RALA: variants seen among roughly 807,000 people sequenced by gnomAD.
RALA encodes RAS like proto-oncogene A.
In RALA, 5 loss-of-function variants were observed where a neutral mutation model predicts 24.0. The observed-to-expected ratio is 0.21, with a 90% CI of 0.11 to 0.44. The LOEUF (loss-of-function observed/expected upper bound fraction) is 0.44. Among genes scored for constraint, RALA ranks in the 20% least tolerant of loss-of-function variants. The pLI, the probability that RALA is intolerant of heterozygous loss-of-function variation, is 0.99. For synonymous variants in RALA, 77 were observed against 83.8 expected (o/e 0.92, Z 0.44); for missense variants, 95 against 241.2 (o/e 0.39, Z 4.01).
At chr7:39,674,285 C>T (rs557928640) in intron 1 of RALA, among the ~76,000 whole-genome samples, 2 of 152,180 alleles carry the variant, frequency 1.3e-5, no homozygotes, top group African/African-American at 4.8e-5. Context: ...ATTAAGTGAA[C>T]AATAATCTAT....
Position 39,679,276 on chromosome 7 carries a change from C to G in RALA, c.-37-7355C>G, listed in dbSNP as rs191133488. 1.4e-3 allele frequency among the ~76,000 whole-genome samples: 215 copies of G among 152,188 alleles called. 3 individuals are homozygous for G. Among genetic ancestry groups the G allele is most frequent in the African/African-American group, 4.8e-3 (201 of 41,508 alleles). On this transcript the variant is annotated intron_variant, in intron 1 of 4. Coordinates refer to ENST00000005257, the MANE Select transcript of RALA (RefSeq NM_005402.4). ...GCCGACAGAAAATATTTTAGGCTTG[C>G]AAGCCACATTCTCTGTTACGTATTC...
chr7:39,626,588 C>T (rs747623542), intron 1 of RALA, among the ~76,000 whole-genome samples: 1 of 152,150 alleles, frequency 6.6e-6, no homozygotes, highest in Non-Finnish European at 1.5e-5. Flanking sequence ...TTATCTTCAG[C>T]GTGCCTACAA....
Position 39,705,684 on chromosome 7 carries a change from C to G in RALA, c.499-439C>G, listed in dbSNP as rs191682044. On this transcript the variant is annotated intron_variant, in intron 4 of 4. Transcript: ENST00000005257. ...CTCAGCTTCATTTCTAAAAATGGAACTGAGGAAACCAAGTTATGAAATATA... is the reference window on the plus strand; with the variant it reads ...CTCAGCTTCATTTCTAAAAATGGAAGTGAGGAAACCAAGTTATGAAATATA... Among the ~76,000 whole-genome samples the G allele has an allele frequency of 3.1e-3, 478 of 151,836 alleles. 5 individuals carry two copies. The highest frequency in any genetic ancestry group is 0.011 in the African/African-American group (458 of 41,466).
chr7:39,632,862 A>G (rs2115919667), intron 1 of RALA, among the ~76,000 whole-genome samples: 1 of 152,288 alleles, frequency 6.6e-6, no homozygotes, highest in Middle Eastern at 3.4e-3. Context: ...AAGGAGATGG[A>G]TGTGGTAAGA....
intron 1 of RALA, among the ~76,000 whole-genome samples, chr7:39,681,513 A>G (rs1319117510): frequency 1.3e-5 from 2 of 151,604 alleles, no homozygotes; most frequent in African/African-American, 4.8e-5. Flanking sequence ...GACTCTTCCC[A>G]AGATTAACAA....
At chr7:39,654,666 G>C (rs1157392825) in intron 1 of RALA, among the ~76,000 whole-genome samples, 1 of 152,050 alleles carries the variant, frequency 6.6e-6, no homozygotes, top group Non-Finnish European at 1.5e-5. Flanking sequence ...AACTTTTGTG[G>C]CTTTAGGTTT....
At chr7:39,665,377 TATAAC>T (rs1284920582) in intron 1 of RALA, among the ~76,000 whole-genome samples, 5 of 152,076 alleles carry the variant, frequency 3.3e-5, no homozygotes, top group Non-Finnish European at 7.3e-5. Flanking sequence ...ATATAATACA[TATAAC>T]ATATGTGTTA....
chr7:39,702,166 A>G (rs1793040285), intron 4 of RALA, among the ~76,000 whole-genome samples: 1 of 152,246 alleles, frequency 6.6e-6, no homozygotes, highest in African/African-American at 2.4e-5. Flanking sequence ...ACATGCTTAT[A>G]TAAAGAAAAA....
At chr7:39,656,133 A>C (rs1326131767) in intron 1 of RALA, among the ~76,000 whole-genome samples, 6 of 152,134 alleles carry the variant, frequency 3.9e-5, no homozygotes, top group Non-Finnish European at 8.8e-5. Flanking sequence ...AGATATCTTA[A>C]ATTTATTCCC....
chr7:39,643,565 AC>A (rs1286817271), intron 1 of RALA, among the ~76,000 whole-genome samples: 1 of 151,890 alleles, frequency 6.6e-6, no homozygotes, highest in African/African-American at 2.4e-5. Flanking sequence ...TACTAAAAAT[AC>A]AAAAATTAGC....
intron 3 of RALA, among the ~76,000 whole-genome samples, chr7:39,694,526 G>A (rs1792883786): frequency 6.6e-6 from 1 of 152,096 alleles, no homozygotes; most frequent in South Asian, 2.1e-4. Flanking sequence ...TCATCTGTAG[G>A]ACAAGAATAA....
chr7:39,700,087 C>T (rs1562626939), intron 4 of RALA, among the ~76,000 whole-genome samples: 2 of 151,976 alleles, frequency 1.3e-5, no homozygotes, highest in Non-Finnish European at 2.9e-5. Flanking sequence ...AACCAATCCC[C>T]CATAGATACT....
At chr7:39,632,310 G>A (rs1480658533) in intron 1 of RALA, among the ~76,000 whole-genome samples, 1 of 152,032 alleles carries the variant, frequency 6.6e-6, no homozygotes, top group Non-Finnish European at 1.5e-5. Context: ...CAGTGTTTAT[G>A]CCTTTAACTA....
chr7:39,642,133 A>G (rs1047540187), intron 1 of RALA, among the ~76,000 whole-genome samples: 1 of 152,210 alleles, frequency 6.6e-6, no homozygotes, highest in African/African-American at 2.4e-5. Flanking sequence ...ACAAAAGGCA[A>G]TTTAACAATA....
intron 1 of RALA, among the ~76,000 whole-genome samples, chr7:39,647,271 G>C (rs1029952564): frequency 1.3e-5 from 2 of 152,128 alleles, no homozygotes; most frequent in Non-Finnish European, 2.9e-5. Context: ...TCGAACTCCT[G>C]CGCTCAAGTG....
At chr7:39,660,336 C>T (rs1583724376) in intron 1 of RALA, among the ~76,000 whole-genome samples, 1 of 144,402 alleles carries the variant, frequency 6.9e-6, no homozygotes, top group South Asian at 2.3e-4. Context: ...ACAGAGACTC[C>T]ATCTCAAAAA....
At chr7:39,632,250 T>C (rs770178814) in intron 1 of RALA, among the ~76,000 whole-genome samples, 4 of 152,244 alleles carry the variant, frequency 2.6e-5, no homozygotes, top group African/African-American at 9.6e-5. Context: ...TCTCAGACTT[T>C]CCAGATATAC....
At chr7:39,640,196 G>C (rs1003561787) in intron 1 of RALA, among the ~76,000 whole-genome samples, 1 of 152,008 alleles carries the variant, frequency 6.6e-6, no homozygotes, top group African/African-American at 2.4e-5. Flanking sequence ...TAGGTGCATG[G>C]CATCACTCCT....
chr7:39,647,284 A>G (rs1791942847), intron 1 of RALA, among the ~76,000 whole-genome samples: 1 of 152,020 alleles, frequency 6.6e-6, no homozygotes, highest in African/African-American at 2.4e-5. Flanking sequence ...CTCAAGTGGT[A>G]CACCCCCCTT....
Sources: gnomAD v4.1 joint callset for allele counts (sites outside exome capture counted in the v4.1 genomes callset) on GRCh38, gnomAD v4.1.1 for gene constraint, MANE v1.5 for transcripts, NCBI Gene and HGNC (gene_info 2026-07-23, HGNC 2026-07-21) for gene names.